The following KIAA1328 variants were observed in gnomAD, a reference collection of about 807,000 sequenced individuals.
KIAA1328 encodes KIAA1328.
KIAA1328 carries 52 observed loss-of-function variants against 68.1 expected under a neutral mutation model. That is an observed-to-expected ratio of 0.76 (90% CI 0.61 to 0.96). KIAA1328 has a LOEUF of 0.96. KIAA1328 is among the 40% of genes least tolerant of loss of function. The probability of loss-of-function intolerance (pLI) is 0.00; values close to 1 mark genes in which losing one functional copy is unlikely to be tolerated. For synonymous variants in KIAA1328, 232 were observed against 239.4 expected (o/e 0.97, Z 0.28); for missense variants, 641 against 677.6 (o/e 0.95, Z 0.60).
chr18:37,210,184 T>C (rs1207133204), intron 9 of KIAA1328, among the ~76,000 whole-genome samples: 6 of 152,214 alleles, frequency 3.9e-5, no homozygotes, highest in Non-Finnish European at 8.8e-5. Context: ...TTGGACACCA[T>C]GTCAAACTGG....
chr18:37,143,683 T>C (rs1165046280), intron 7 of KIAA1328, among the ~76,000 whole-genome samples: 1 of 152,056 alleles, frequency 6.6e-6, no homozygotes, highest in Non-Finnish European at 1.5e-5. Flanking sequence ...TTGGTAGCTG[T>C]CCTCTATAAA....
intron 7 of KIAA1328, among the ~76,000 whole-genome samples, chr18:37,088,811 G>A (rs1160671989): frequency 6.6e-6 from 1 of 151,342 alleles, no homozygotes; most frequent in African/African-American, 2.4e-5. Context: ...ATTTTTAATG[G>A]AACTTTAAAA....
chr18:37,019,573 G>T (rs983864344), intron 6 of KIAA1328, among the ~76,000 whole-genome samples: 5 of 152,240 alleles, frequency 3.3e-5, no homozygotes, highest in Non-Finnish European at 7.3e-5. Context: ...ATGTGCCTAG[G>T]CATTGAACTG....
intron 4 of KIAA1328, among the ~76,000 whole-genome samples, chr18:36,862,326 G>A (rs539558039): frequency 4.6e-5 from 7 of 152,216 alleles, no homozygotes; most frequent in Admixed American, 6.5e-5. Flanking sequence ...TTCTACTCAT[G>A]CTATCTTTTT....
In KIAA1328 at chr18:37,173,099, T is replaced by C. The variant is rs780224531; in HGVS notation, c.1523+18T>C. ...ACCTCCCGGTAAGCTTCAGAGATTC[T>C]TTAGTTTTTAATATTCTCCCTATGA... On this transcript the variant is annotated intron_variant, in intron 9 of 9. Coordinates refer to ENST00000280020, the MANE Select transcript of KIAA1328 (RefSeq NM_020776.3). The C allele has an allele frequency of 6.3e-7, 1 of 1,575,246 alleles. No homozygotes were observed. Among genetic ancestry groups the C allele is most frequent in the Non-Finnish European group, 8.7e-7 (1 of 1,150,876 alleles).
intron 6 of KIAA1328, among the ~76,000 whole-genome samples, chr18:36,964,149 T>C (rs1249293487): frequency 1.3e-5 from 2 of 152,162 alleles, no homozygotes. Flanking sequence ...TTGAGATAAC[T>C]AAAATGGTTA....
chr18:36,940,248 A>C (rs544572306), intron 5 of KIAA1328, among the ~76,000 whole-genome samples: 1 of 152,304 alleles, frequency 6.6e-6, no homozygotes, highest in African/African-American at 2.4e-5. Context: ...TATAAGGTAC[A>C]CGTTAATCAC....
intron 6 of KIAA1328, among the ~76,000 whole-genome samples, chr18:37,022,084 AAAAC>A (rs906368740): frequency 9.2e-5 from 14 of 152,082 alleles, no homozygotes; most frequent in Admixed American, 5.2e-4. Context: ...AAAATAAAAT[AAAAC>A]AAACAAATTG....
chr18:36,971,707 G>T (rs1405577306), intron 6 of KIAA1328, among the ~76,000 whole-genome samples: 1 of 152,156 alleles, frequency 6.6e-6, no homozygotes, highest in Non-Finnish European at 1.5e-5. Flanking sequence ...ACGAGATCAT[G>T]TTCTTTGCAG....
intron 9 of KIAA1328, among the ~76,000 whole-genome samples, chr18:37,206,341 G>C (rs962433260): frequency 6.6e-5 from 10 of 152,146 alleles, no homozygotes; most frequent in Non-Finnish European, 1.2e-4. Flanking sequence ...AGAAAGAGTA[G>C]CCCTATGGTA....
chr18:36,837,823 C>T (rs2046730176), intron 3 of KIAA1328, among the ~76,000 whole-genome samples: 1 of 152,142 alleles, frequency 6.6e-6, no homozygotes, highest in East Asian at 1.9e-4. Flanking sequence ...TGTCCCAGCA[C>T]CATTTGTTAA....
intron 6 of KIAA1328, among the ~76,000 whole-genome samples, chr18:36,983,863 T>A (rs2052797081): frequency 6.6e-6 from 1 of 152,182 alleles, no homozygotes; most frequent in Non-Finnish European, 1.5e-5. Context: ...ACAAAATTTT[T>A]AGCAAATCAA....
At chr18:37,022,865 C>T (rs879256681) in intron 6 of KIAA1328, among the ~76,000 whole-genome samples, 2 of 152,086 alleles carry the variant, frequency 1.3e-5, no homozygotes, top group Non-Finnish European at 2.9e-5. Flanking sequence ...AAATTTAAGC[C>T]ATCACACATT....
intron 7 of KIAA1328, among the ~76,000 whole-genome samples, chr18:37,114,577 A>G (rs971559668): frequency 6.6e-6 from 1 of 152,160 alleles, no homozygotes; most frequent in African/African-American, 2.4e-5. Context: ...AAAACTGACA[A>G]CCTAAGATGA....
intron 5 of KIAA1328, among the ~76,000 whole-genome samples, chr18:36,909,256 A>T (rs932588182): frequency 3.3e-5 from 5 of 151,990 alleles, no homozygotes; most frequent in Admixed American, 3.3e-4. Flanking sequence ...TACATTAGGT[A>T]TATCTCCTAA....
chr18:37,013,297 A>T (rs1342237771), intron 6 of KIAA1328, among the ~76,000 whole-genome samples: 1 of 152,164 alleles, frequency 6.6e-6, no homozygotes, highest in East Asian at 1.9e-4. Flanking sequence ...AAAATTAAAT[A>T]ATCTATAGAC....
At chr18:37,082,984 C>T (rs185415391) in intron 7 of KIAA1328, among the ~76,000 whole-genome samples, 51 of 152,286 alleles carry the variant, frequency 3.3e-4, no homozygotes, top group African/African-American at 1.2e-3. Context: ...CAGTGAAAAA[C>T]GTGTCACCTT....
At chr18:36,934,303 ATTTAT>A (rs1305593897) in intron 5 of KIAA1328, among the ~76,000 whole-genome samples, 1 of 151,394 alleles carries the variant, frequency 6.6e-6, no homozygotes, top group African/African-American at 2.4e-5. Flanking sequence ...TTTTTTTCAT[ATTTAT>A]TTTATTTTAT....
At chr18:37,061,745 A>G (rs537343192) in intron 6 of KIAA1328, among the ~76,000 whole-genome samples, 11 of 152,218 alleles carry the variant, frequency 7.2e-5, no homozygotes, top group African/African-American at 2.6e-4. Context: ...AAATAGCTTA[A>G]TTTTTTATAT....
Sources: gnomAD v4.1 joint callset for allele counts (sites outside exome capture counted in the v4.1 genomes callset) on GRCh38, gnomAD v4.1.1 for gene constraint, MANE v1.5 for transcripts, NCBI Gene and HGNC (gene_info 2026-07-23, HGNC 2026-07-21) for gene names.